The following CRISPLD2 variants were observed in gnomAD, a reference collection of about 807,000 sequenced individuals.
CRISPLD2 encodes cysteine rich secretory protein LCCL domain containing 2, also known as cysteine-rich secretory protein LCCL domain-containing 2.
Under a neutral mutation model 71.1 loss-of-function variants are expected in CRISPLD2, and 47 were observed. The observed-to-expected ratio is 0.66, with a 90% confidence interval of 0.52 to 0.84. The LOEUF (loss-of-function observed/expected upper bound fraction) is 0.84. Ranked by LOEUF, CRISPLD2 falls within the 40% of genes least tolerant of loss-of-function variation. CRISPLD2 has a pLI of 0.00. For synonymous variants in CRISPLD2, 317 were observed against 250.1 expected, an observed-to-expected ratio of 1.27 and a Z score of -2.52; for missense variants, 830 against 651.1, an observed-to-expected ratio of 1.27 and a Z score of -2.99.
chr16:84,870,373 G>A lies in CRISPLD2; in HGVS notation c.914+1462G>A, dbSNP rs35373124. ...CTTGCTCTGTCACCCAGGCTGAAGT[G>A]CAGCAGCATGATCTCGGCTCACTGC... On this transcript the variant is annotated intron_variant, in intron 8 of 14. Transcript: ENST00000262424. 1.7e-3 allele frequency among the ~76,000 whole-genome samples: 251 copies of A among 151,324 alleles called. 2 individuals carry two copies. Among genetic ancestry groups the A allele is most frequent in the African/African-American group, 5.0e-3 (208 of 41,190 alleles).
chr16:84,848,926 C>G (rs1180357322), intron 3 of CRISPLD2, among the ~76,000 whole-genome samples: 1 of 141,270 alleles, frequency 7.1e-6, no homozygotes, highest in Non-Finnish European at 1.5e-5. Context: ...GCGGAGCTTG[C>G]AGTGAGCCGA....
At chr16:84,867,426 C>T (rs371999115) in intron 7 of CRISPLD2, among the ~76,000 whole-genome samples, 2 of 152,182 alleles carry the variant, frequency 1.3e-5, no homozygotes, top group Non-Finnish European at 2.9e-5. Flanking sequence ...TCACCAGGTC[C>T]TGGGTCTGGA....
intron 6 of CRISPLD2, among the ~76,000 whole-genome samples, chr16:84,863,530 T>TG (rs2143259344): frequency 6.6e-6 from 1 of 152,336 alleles, no homozygotes; most frequent in East Asian, 1.9e-4. Context: ...GCGCAGGCTT[T>TG]GGGGAAAGGT....
At chr16:84,829,817 C>T (rs1597445452) in intron 1 of CRISPLD2, among the ~76,000 whole-genome samples, 2 of 152,336 alleles carry the variant, frequency 1.3e-5, no homozygotes, top group Admixed American at 6.5e-5. Context: ...GTCACAGTGG[C>T]CTCATCAGTT....
chr16:84,854,670 C>G (rs1917184507), intron 5 of CRISPLD2, 59 bp from the exon 6 acceptor site: 2 of 1,246,042 alleles, frequency 1.6e-6, no homozygotes, highest in East Asian at 4.6e-5. Flanking sequence ...GGAAGAGGAT[C>G]AGTCCCGAGG....
At position 84,906,746 on chromosome 16, in the gene CRISPLD2, C is replaced by G. The variant is rs760539486; in HGVS notation, c.*104C>G. The G allele has an allele frequency of 1.2e-5, 15 of 1,290,654 alleles. No individual in the cohort carries two copies. The African/African-American group carries it at 2.0e-4, about 18-fold the overall frequency. The allele number at this position is 1,290,654 out of a possible 1,614,324, so 80.0% of individuals were successfully genotyped here. On this transcript the variant is annotated 3_prime_UTR_variant, in exon 15 of 15. Coordinates refer to ENST00000262424, the MANE Select transcript of CRISPLD2 (RefSeq NM_031476.4). ...GGTATATGGAGAGTCAGGAAACTTC[C>G]TTTGACTGATGTTCAGTGTCCATCA...
intron 14 of CRISPLD2, among the ~76,000 whole-genome samples, chr16:84,890,139 A>C (rs28377924): frequency 1.8e-3 from 278 of 152,030 alleles, no homozygotes; most frequent in African/African-American, 6.4e-3. Flanking sequence ...CAGGCAGATC[A>C]TGAGGTCAGG....
chr16:84,835,233 G>A (rs911659872), intron 1 of CRISPLD2, among the ~76,000 whole-genome samples: 1 of 152,150 alleles, frequency 6.6e-6, no homozygotes, highest in Non-Finnish European at 1.5e-5. Flanking sequence ...TGGGATTACA[G>A]GCAGGCGCCA....
chr16:84,895,665 G>A (rs574086454), intron 14 of CRISPLD2, among the ~76,000 whole-genome samples: 57 of 152,236 alleles, frequency 3.7e-4, no homozygotes, highest in Admixed American at 7.9e-4. Context: ...CTAGAGTGTG[G>A]GCTTTGTGAG....
At chr16:84,824,894 A>AGGAGTTT (rs1916311966) in intron 1 of CRISPLD2, among the ~76,000 whole-genome samples, 1 of 151,016 alleles carries the variant, frequency 6.6e-6, no homozygotes, top group Non-Finnish European at 1.5e-5. Context: ...ACCTGAGGTC[A>AGGAGTTT]GGAGTTTGAG....
Position 84,889,346 on chromosome 16 carries a change from T to C in CRISPLD2, c.1422T>C (p.Asn474=), listed in dbSNP as rs2143345012. 1 of 1,613,292 alleles carries C rather than the reference T, an allele frequency of 6.2e-7. No homozygotes were observed. The highest frequency in any genetic ancestry group is 2.2e-5 in the East Asian group (1 of 44,858). Reference sequence around the variant, plus strand: ...AGACCTACGTGGGCTCGCTCAGGAATGGAGTTCAGTCTGAAAGGTAGGGTG... The same window carrying C: ...AGACCTACGTGGGCTCGCTCAGGAACGGAGTTCAGTCTGAAAGGTAGGGTG... The part of the protein sequence containing the change: ...KKKTYVGSLR[N]GVQSESLGTP... The change falls in exon 14 of 15, where the codon AAT becomes AAC. Residue 474 remains asparagine, a synonymous_variant. Coordinates refer to ENST00000262424, the MANE Select transcript of CRISPLD2 (RefSeq NM_031476.4).
intron 13 of CRISPLD2, among the ~76,000 whole-genome samples, chr16:84,881,923 C>G (rs1472483145): frequency 6.6e-6 from 1 of 152,186 alleles, no homozygotes; most frequent in East Asian, 1.9e-4. Context: ...AAGGTCAGAG[C>G]AGGCTTCATG....
intron 6 of CRISPLD2, among the ~76,000 whole-genome samples, chr16:84,858,242 C>G (rs867738094): frequency 3.3e-5 from 5 of 152,296 alleles, no homozygotes; most frequent in Middle Eastern, 3.4e-3. Context: ...TGCACAGCAA[C>G]CTGGACCTGT....
rs371038523 is a variant in CRISPLD2 at position 84,845,766 on chromosome 16, C to G, written c.241-20C>G. On this transcript the variant is annotated intron_variant, in intron 2 of 14. Coordinates refer to ENST00000262424, the MANE Select transcript of CRISPLD2 (RefSeq NM_031476.4). ...TCCCTCACCCTCACCTCCTGGTGCC[C>G]GTTTCTCCTTCTCCTGCAGACCTGG... 3.8e-6 allele frequency: 6 copies of G among 1,559,126 alleles called. No individual in the cohort carries two copies. In the South Asian group the frequency reaches 4.5e-5, roughly 12 times the overall value.
chr16:84,874,699 G>C (rs1466520581), intron 11 of CRISPLD2, among the ~76,000 whole-genome samples: 1 of 151,938 alleles, frequency 6.6e-6, no homozygotes, highest in Non-Finnish European at 1.5e-5. Context: ...ATATGTAGTA[G>C]TTTTTTTTCT....
In CRISPLD2 at chr16:84,875,414, C is replaced by CTTTTTTTTTTTTTTTTTTTT. The variant is rs34028519; in HGVS notation, c.1156+1455_1156+1474dup. Among the ~76,000 whole-genome samples, 15 of 87,784 alleles carry CTTTTTTTTTTTTTTTTTTTT rather than the reference C, an allele frequency of 1.7e-4. 1 individual carries two copies. Among genetic ancestry groups the CTTTTTTTTTTTTTTTTTTTT allele is most frequent in the African/African-American group, 8.3e-4 (15 of 18,014 alleles). 57.6% of individuals were successfully genotyped at this position (87,784 alleles called of 152,430 possible). ...GAGAAACATGAGATTTATGCATGGA[C>CTTTTTTTTTTTTTTTTTTTT]TTTTTTTTTTTTTTTTTTTTTTTGT... On this transcript the variant is annotated intron_variant, in intron 11 of 14. Coordinates refer to ENST00000262424, the MANE Select transcript of CRISPLD2 (RefSeq NM_031476.4).
At chr16:84,865,706 T>C (rs1178404758) in intron 6 of CRISPLD2, among the ~76,000 whole-genome samples, 1 of 152,130 alleles carries the variant, frequency 6.6e-6, no homozygotes, top group Non-Finnish European at 1.5e-5. Flanking sequence ...CTCAGGCAAA[T>C]GAAAATAGCA....
intron 13 of CRISPLD2, among the ~76,000 whole-genome samples, chr16:84,886,893 C>A (rs1020519092): frequency 6.6e-6 from 1 of 152,210 alleles, no homozygotes; most frequent in African/African-American, 2.4e-5. Flanking sequence ...TAAGCATATT[C>A]ACGTTGTAAT....
intron 4 of CRISPLD2, 51 bp from the exon 5 acceptor site, chr16:84,850,517 C>T (rs1336267457): frequency 1.3e-6 from 2 of 1,495,882 alleles, no homozygotes; most frequent in Admixed American, 1.7e-5. Flanking sequence ...ATGATATCAC[C>T]CTTTTGTGCC....
Sources: allele counts gnomAD v4.1 joint callset (sites outside exome capture counted in the v4.1 genomes callset), GRCh38; gene constraint gnomAD v4.1.1; transcripts MANE v1.5; gene names NCBI Gene and HGNC (gene_info 2026-07-23, HGNC 2026-07-21).